The following COPZ2 variants were observed in gnomAD, a reference collection of about 807,000 sequenced individuals.
COPZ2 encodes coat protein complex I subunit zeta 2.
COPZ2 carries 30 observed loss-of-function variants against 33.2 expected under a neutral mutation model. The ratio of observed to expected loss-of-function variants is 0.90; its 90% CI spans 0.68 to 1.23. The LOEUF is 1.23. Ranked by LOEUF, COPZ2 falls within the 50% of genes most tolerant of loss-of-function variation. The pLI is 0.00. For missense variants in COPZ2, 263 were observed against 262.4 expected (o/e 1.00, Z -0.02); for synonymous variants, 89 against 102.6 (o/e 0.87, Z 0.80).
At chr17:48,043,973 T>G in the COPZ2 span, among the ~76,000 whole-genome samples, 1 of 152,160 alleles carries the variant, frequency 6.6e-6, no homozygotes, top group South Asian at 2.1e-4. Flanking sequence ...AATGTTACAC[T>G]AAGACACTAA....
chr17:48,026,446 T>C lies in COPZ2; in HGVS notation c.615A>G (p.Lys205=), dbSNP rs2036817867. ...QVLQSAKEQI[K]WSLLK ...ACAGCCTTCATTTCAATAACGACCA[T>C]TTAATTTGTTCCTTGGCAGACTGAA... The change falls in exon 9 of 9, where the codon AAA becomes AAG. Residue 205 remains lysine (K), a synonymous_variant. Coordinates refer to ENST00000621465, the MANE Select transcript of COPZ2 (RefSeq NM_016429.4). 1 of 1,613,270 alleles carries C rather than the reference T, an allele frequency of 6.2e-7. No homozygotes were observed. Among genetic ancestry groups the C allele is most frequent in the South Asian group, 1.1e-5 (1 of 91,078 alleles).
intron 2 of COPZ2, among the ~76,000 whole-genome samples, chr17:48,035,899 G>T (rs1460442183): frequency 1.3e-5 from 2 of 151,588 alleles, no homozygotes; most frequent in African/African-American, 4.9e-5. Flanking sequence ...GATTACAGGC[G>T]CCCACCACCA....
chr17:48,039,482 A>G (rs537384570), upstream of COPZ2, among the ~76,000 whole-genome samples: 31 of 151,308 alleles, frequency 2.0e-4, no homozygotes, highest in South Asian at 3.7e-3. Flanking sequence ...AAAAAAAAAA[A>G]AAGAAGAAGA....
upstream of COPZ2, among the ~76,000 whole-genome samples, chr17:48,039,956 C>A (rs1271953963): frequency 6.6e-6 from 1 of 152,084 alleles, no homozygotes; most frequent in Non-Finnish European, 1.5e-5. Flanking sequence ...CCCATCTCTA[C>A]TAAAAATACA....
At chr17:48,041,468 C>G (rs1567745622), upstream of COPZ2, among the ~76,000 whole-genome samples, 3 of 152,124 alleles carry the variant, frequency 2.0e-5, no homozygotes, top group South Asian at 6.2e-4. Context: ...TTTCATAGTC[C>G]TCTGAGAAAA....
In COPZ2 at chr17:48,028,462, G is replaced by A. The variant is rs748279756; in HGVS notation, c.585+10C>T. The A allele has an allele frequency of 1.2e-6, 2 of 1,608,410 alleles. No individual in the cohort carries two copies. Among genetic ancestry groups the A allele is most frequent in the Admixed American group, 1.7e-5 (1 of 59,246 alleles). The stretch of plus-strand genomic sequence containing the variant: ...CCATTTCTAGCCAAGGCAGATGCAG[G>A]GGGGCCTACCTGGGCCACACTCTGT... On this transcript the variant is annotated intron_variant, in intron 8 of 8. Coordinates refer to ENST00000621465, the MANE Select transcript of COPZ2 (RefSeq NM_016429.4). The surrounding 1 kb of genome is among the most constrained non-coding windows in gnomAD (Gnocchi z 4.5).
the COPZ2 span, chr17:48,045,007 A>AG: frequency 6.6e-6 from 1 of 152,076 alleles, no homozygotes; most frequent in Non-Finnish European, 1.5e-5. Flanking sequence ...CCCAGACTGG[A>AG]GTGCAATGGC....
rs769137167 is a variant in COPZ2, at chr17:48,033,201, C to T, written c.360+10G>A. 35 of 1,582,074 alleles carry T rather than the reference C, an allele frequency of 2.2e-5. No individual in the cohort carries two copies. Among genetic ancestry groups the T allele is most frequent in the Non-Finnish European group, 3.0e-5 (34 of 1,152,376 alleles). On this transcript the variant is annotated intron_variant, in intron 4 of 8. Coordinates refer to ENST00000621465, the MANE Select transcript of COPZ2 (RefSeq NM_016429.4). ...AGACCCTTCTTACTGCCCCAACCTC[C>T]TGAATTCACCTCATTCTCGTAGGAT...
intron 7 of COPZ2, 111 bp downstream of exon 7, chr17:48,029,014 T>G: frequency 1.1e-6 from 1 of 949,198 alleles, no homozygotes; most frequent in Non-Finnish European, 1.6e-6. Flanking sequence ...GCCCAGTGGT[T>G]GGCTTCTGCT....
Position 48,037,752 on chromosome 17 carries a change from C to G in COPZ2, c.26G>C (p.Arg9Pro). 8.6e-6 allele frequency: 9 copies of G among 1,046,280 alleles called. No homozygotes were observed. In the South Asian group the frequency reaches 4.0e-4, roughly 46 times the overall value. The allele number at this position is 1,046,280 out of a possible 1,614,324, so 64.8% of individuals were successfully genotyped here. ...CGCGGCCCCCTCCCCCGGGTGCGGA[C>G]GTGGCCAGGCCTCGGGCCGCTGCAT... MQRPEAWP[R>P]PHPGEGAAAA... The change falls in exon 1 of 9, where the codon CGT (arginine) becomes CCT (proline). Residue 9 changes from arginine to proline, a missense_variant. Coordinates refer to ENST00000621465, the MANE Select transcript of COPZ2 (RefSeq NM_016429.4). The surrounding 1 kb of genome is among the most constrained non-coding windows in gnomAD (Gnocchi z 5.6).
Position 48,028,578 on chromosome 17 carries a change from G to A in COPZ2, c.547-68C>T. On this transcript the variant is annotated intron_variant, in intron 7 of 8. Transcript: ENST00000621465. This position sits in a 1 kb window ranked among gnomAD's most constrained non-coding sequence, Gnocchi z 4.5. ...AGGGTCCTGGGTCAGGGAGGTGAAG[G>A]AAAGGGGCTTGGGGGTATGGGTGAG... 6.7e-7 allele frequency: 1 copy of A among 1,500,406 alleles called. No homozygotes were observed. Among genetic ancestry groups the A allele is most frequent in the Non-Finnish European group, 9.1e-7 (1 of 1,096,366 alleles). 92.9% of individuals were successfully genotyped at this position (1,500,406 alleles called of 1,614,324 possible).
At chr17:48,030,289 AACACACACACACACACACACACAC>A (rs71935471) in intron 6 of COPZ2, among the ~76,000 whole-genome samples, 3 of 128,308 alleles carry the variant, frequency 2.3e-5, no homozygotes, top group Admixed American at 2.3e-4. Context: ...TCCATCTCAA[AACACACACACACACACACACACAC>A]ACACACACAC....
At chr17:48,032,276 G>A (rs1450056490) in intron 5 of COPZ2, 43 bp from the exon 6 acceptor site, 11 of 1,548,648 alleles carry the variant, frequency 7.1e-6, no homozygotes, top group Non-Finnish European at 8.8e-6. Context: ...GTGGCTGGGA[G>A]GAACTGAGTC....
At chr17:48,029,033 T>C (rs1398206846) in intron 7 of COPZ2, 92 bp downstream of exon 7, 10 of 1,219,162 alleles carry the variant, frequency 8.2e-6, no homozygotes, top group South Asian at 2.6e-5. Flanking sequence ...CTAGAGGAGC[T>C]TGGGCTTCTA....
chr17:48,032,654 T>A (rs566919747), intron 5 of COPZ2, 32 bp downstream of exon 5: 1 of 1,548,796 alleles, frequency 6.5e-7, no homozygotes, highest in South Asian at 1.2e-5. Flanking sequence ...GCCAGGGGGA[T>A]GGGGCCTCGG....
At chr17:48,043,961 A>C in the COPZ2 span, among the ~76,000 whole-genome samples, 1 of 152,224 alleles carries the variant, frequency 6.6e-6, no homozygotes, top group African/African-American at 2.4e-5. Context: ...TCAGCTTCAA[A>C]AAATGTTACA....
At chr17:48,044,068 C>T in the COPZ2 span, among the ~76,000 whole-genome samples, 2 of 152,146 alleles carry the variant, frequency 1.3e-5, no homozygotes, top group East Asian at 1.9e-4. Flanking sequence ...TCAAACGGGC[C>T]GGGTGCAGTG....
the COPZ2 span, chr17:48,043,545 A>T: frequency 8.1e-6 from 8 of 985,276 alleles, no homozygotes; most frequent in Non-Finnish European, 8.4e-6. Flanking sequence ...TAAAGCTTCC[A>T]TGCTCTGTCT....
At chr17:48,041,214 A>G (rs2037058967), upstream of COPZ2, among the ~76,000 whole-genome samples, 1 of 151,558 alleles carries the variant, frequency 6.6e-6, no homozygotes, top group South Asian at 2.1e-4. Context: ...AGTGCTTAGT[A>G]TGTACCAGAT....
Sources: allele counts gnomAD v4.1 joint callset (sites outside exome capture counted in the v4.1 genomes callset), GRCh38; gene constraint gnomAD v4.1.1; non-coding constraint Gnocchi (gnomAD v3.1); transcripts MANE v1.5; gene names NCBI Gene and HGNC (gene_info 2026-07-23, HGNC 2026-07-21).